MAGI2: variants seen among roughly 807,000 people sequenced by gnomAD.
MAGI2 encodes the protein membrane associated guanylate kinase, WW and PDZ domain containing 2.
MAGI2 carries 35 observed loss-of-function variants against 133.3 expected under a neutral mutation model. The observed-to-expected ratio is 0.26, with a 90% CI of 0.20 to 0.35. The LOEUF (loss-of-function observed/expected upper bound fraction) is 0.35. Ranked by LOEUF, MAGI2 falls within the 10% of genes least tolerant of loss-of-function variation. MAGI2 has a pLI of 1.00. For missense variants in MAGI2, 1,636 were observed against 1,863.4 expected (o/e 0.88, Z 2.25); for synonymous variants, 729 against 710.6 (o/e 1.03, Z -0.41).
intron 2 of MAGI2, among the ~76,000 whole-genome samples, chr7:78,839,078 T>A (rs2052405): frequency 6.6e-6 from 1 of 151,484 alleles, no homozygotes; most frequent in Non-Finnish European, 1.5e-5. Context: ...AGAAAGGGAT[T>A]TAGTGAGGGT....
chr7:79,385,717 A>G (rs1844127092), intron 1 of MAGI2, among the ~76,000 whole-genome samples: 1 of 151,922 alleles, frequency 6.6e-6, no homozygotes. Flanking sequence ...GATGTAGGTC[A>G]AAGGATACAA....
intron 2 of MAGI2, among the ~76,000 whole-genome samples, chr7:78,934,133 C>T (rs1053276470): frequency 6.6e-6 from 1 of 152,038 alleles, no homozygotes; most frequent in Non-Finnish European, 1.5e-5. Flanking sequence ...TGGAGTCTTG[C>T]TCTTGTCACC....
At chr7:78,629,671 A>G (rs1227905013) in intron 2 of MAGI2, among the ~76,000 whole-genome samples, 2 of 152,136 alleles carry the variant, frequency 1.3e-5, no homozygotes, top group Non-Finnish European at 2.9e-5. Flanking sequence ...AGATTACTTA[A>G]TGTCAGTTTG....
Position 79,243,041 on chromosome 7 carries a change from C to T in MAGI2, c.301+209979G>A, listed in dbSNP as rs139057902. Among the ~76,000 whole-genome samples the T allele has an allele frequency of 3.9e-4, 59 of 152,156 alleles. No individual in the cohort carries two copies. The East Asian group carries it at 0.011, about 28-fold the overall frequency. On this transcript the variant is annotated intron_variant, in intron 1 of 21. Transcript: ENST00000354212. ...GACCAGCCTAGCCAACATGGTGAAA[C>T]CCTATCTCCACTAAAAATACAAAAA...
intron 2 of MAGI2, among the ~76,000 whole-genome samples, chr7:78,983,709 T>C (rs980557640): frequency 2.0e-5 from 3 of 152,004 alleles, no homozygotes; most frequent in African/African-American, 7.2e-5. Context: ...TATTTGTCAC[T>C]GATTATTATT....
At chr7:78,108,738 ATATG>A (rs1818983516) in intron 20 of MAGI2, among the ~76,000 whole-genome samples, 1 of 128,068 alleles carries the variant, frequency 7.8e-6, no homozygotes, top group Admixed American at 7.9e-5. Flanking sequence ...ATACACACAC[ATATG>A]TGAGTGTATA....
At chr7:78,539,542 C>T (rs1798239407) in intron 3 of MAGI2, among the ~76,000 whole-genome samples, 1 of 152,028 alleles carries the variant, frequency 6.6e-6, no homozygotes, top group African/African-American at 2.4e-5. Flanking sequence ...TATGAACTTT[C>T]CTCTAAGCAC....
intron 2 of MAGI2, among the ~76,000 whole-genome samples, chr7:78,665,898 G>A (rs1396013926): frequency 6.6e-6 from 1 of 152,104 alleles, no homozygotes; most frequent in Non-Finnish European, 1.5e-5. Flanking sequence ...GTATCTTTAT[G>A]GAGCTTACAG....
At chr7:78,435,465 C>A (rs1047675367) in intron 6 of MAGI2, among the ~76,000 whole-genome samples, 1 of 152,094 alleles carries the variant, frequency 6.6e-6, no homozygotes, top group Non-Finnish European at 1.5e-5. Context: ...GCCAGTTTCC[C>A]CAAGATTTCC....
intron 2 of MAGI2, among the ~76,000 whole-genome samples, chr7:78,692,117 GA>G (rs749229486): frequency 3.3e-5 from 5 of 152,124 alleles, no homozygotes; most frequent in Non-Finnish European, 7.3e-5. Context: ...TTGAAGAGCT[GA>G]AAGTTAAAGA....
chr7:78,923,629 A>G (rs1458491717), intron 2 of MAGI2, among the ~76,000 whole-genome samples: 7 of 152,164 alleles, frequency 4.6e-5, no homozygotes, highest in Admixed American at 4.6e-4. Context: ...AGGTAGCGTG[A>G]TGCCTCTGGC....
At chr7:79,150,661 C>G (rs941498868) in intron 1 of MAGI2, among the ~76,000 whole-genome samples, 1 of 150,756 alleles carries the variant, frequency 6.6e-6, no homozygotes. Context: ...ATATAACTTC[C>G]CAGAATGTTT....
chr7:78,503,207 A>G (rs1187883469), intron 4 of MAGI2, among the ~76,000 whole-genome samples: 5 of 152,284 alleles, frequency 3.3e-5, no homozygotes, highest in Middle Eastern at 3.4e-3. Context: ...CTGGGAAAAA[A>G]CAGTCACTTT....
intron 1 of MAGI2, among the ~76,000 whole-genome samples, chr7:79,060,660 A>G (rs145304667): frequency 5.6e-4 from 85 of 152,222 alleles, no homozygotes; most frequent in African/African-American, 1.9e-3. Flanking sequence ...AAAGAGACCA[A>G]CAGGACATCT....
intron 2 of MAGI2, among the ~76,000 whole-genome samples, chr7:78,703,584 T>C (rs322005): frequency 0.7 from 105,803 of 151,838 alleles, 37,156 homozygotes; most frequent in East Asian, 0.83. Flanking sequence ...GTCCATGAAC[T>C]AATGCTCCAA....
intron 3 of MAGI2, among the ~76,000 whole-genome samples, chr7:78,589,642 A>T (rs1377212176): frequency 1.3e-5 from 2 of 152,154 alleles, no homozygotes; most frequent in African/African-American, 2.4e-5. Context: ...TCTACACTTG[A>T]TCTTAGCCAA....
At chr7:78,124,861 C>CTTTTTTTTTTTTTTTTTTTT (rs10707820) in intron 20 of MAGI2, among the ~76,000 whole-genome samples, 2 of 137,430 alleles carry the variant, frequency 1.5e-5, no homozygotes, top group Non-Finnish European at 1.6e-5. Context: ...TAGCTGCTGT[C>CTTTTTTTTTTTTTTTTTTTT]TTTTTTTTTT....
intron 2 of MAGI2, among the ~76,000 whole-genome samples, chr7:78,790,578 C>T (rs993528558): frequency 7.9e-5 from 12 of 151,956 alleles, no homozygotes; most frequent in Admixed American, 7.2e-4. Flanking sequence ...GGATTACAGG[C>T]GCCCACCACC....
intron 1 of MAGI2, among the ~76,000 whole-genome samples, chr7:79,209,846 A>G (rs1284929036): frequency 3.3e-5 from 5 of 152,084 alleles, no homozygotes; most frequent in Non-Finnish European, 5.9e-5. Flanking sequence ...TTCATGAACT[A>G]TGTCAGATTC....
Sources: allele counts gnomAD v4.1 joint callset (sites outside exome capture counted in the v4.1 genomes callset), GRCh38; gene constraint gnomAD v4.1.1; transcripts MANE v1.5; gene names NCBI Gene and HGNC (gene_info 2026-07-23, HGNC 2026-07-21).